ITPKA: variants seen among roughly 807,000 people sequenced by gnomAD.
ITPKA encodes the protein IP3 3-kinase A.
Under a neutral mutation model 40.7 loss-of-function variants are expected in ITPKA, and 16 were observed. That is an observed-to-expected ratio of 0.39 (90% confidence interval 0.27 to 0.60). ITPKA has a LOEUF of 0.60. ITPKA is among the 20% of genes least tolerant of loss of function. ITPKA has a pLI of 0.50. For missense variants in ITPKA, 540 were observed against 649.3 expected (o/e 0.83, Z 1.83); for synonymous variants, 313 against 289.9 (o/e 1.08, Z -0.81).
Position 41,501,484 on chromosome 15 carries a change from C to A in ITPKA, c.511C>A (p.Arg171=). ...VGQKNHWQKI[R]TMVNLPVISP... Reference sequence around the variant, plus strand: ...TCAGAAAAACCACTGGCAGAAGATCCGGACCATGGTCAATCTGCCGGTCAT... The same window carrying A: ...TCAGAAAAACCACTGGCAGAAGATCAGGACCATGGTCAATCTGCCGGTCAT... Residue 171 remains arginine, a synonymous_variant, in exon 2 of 7, where the codon CGG becomes AGG. Transcript: ENST00000260386. The A allele has an allele frequency of 6.2e-6, 10 of 1,610,118 alleles. No homozygotes were observed. The highest frequency in any genetic ancestry group is 8.5e-6 in the Non-Finnish European group (10 of 1,178,784).
intron 6 of ITPKA, 50 bp downstream of exon 6, chr15:41,502,909 C>T (rs753275046): frequency 1.2e-6 from 2 of 1,605,344 alleles, no homozygotes; most frequent in South Asian, 1.1e-5. Flanking sequence ...AGGGCGGGAA[C>T]CCGGCAAGGG....
In ITPKA at chr15:41,494,351, C is replaced by T; in HGVS notation, c.424C>T (p.Leu142=). 1 of 1,521,940 alleles carries T rather than the reference C, an allele frequency of 6.6e-7. No individual in the cohort carries two copies. Among genetic ancestry groups the T allele is most frequent in the Non-Finnish European group, 8.8e-7 (1 of 1,141,064 alleles). The allele number at this position is 1,521,940 out of a possible 1,614,324, so 94.3% of individuals were successfully genotyped here. The change falls in exon 1 of 7, where the codon CTG becomes TTG. Residue 142 remains leucine, a synonymous_variant. Coordinates refer to ENST00000260386, the MANE Select transcript of ITPKA (RefSeq NM_002220.3). The surrounding 1 kb of genome is among the most constrained non-coding windows in gnomAD (Gnocchi z 7.8). ...SLLEDSEDDL[L]SDSESRSRGN... ...GCTCGAGGACTCGGAGGACGACCTG[C>T]TGAGCGACAGTGAGAGCCGGAGCCG...
intron 4 of ITPKA, 24 bp downstream of exon 4, chr15:41,502,225 CACCGCCG>C: frequency 6.5e-7 from 1 of 1,548,602 alleles, no homozygotes; most frequent in Non-Finnish European, 8.7e-7. Context: ...GCTTCGCTGG[CACCGCCG>C]CAGCCCCACT....
At chr15:41,500,577 A>G (rs1414781708) in intron 1 of ITPKA, among the ~76,000 whole-genome samples, 1 of 152,200 alleles carries the variant, frequency 6.6e-6, no homozygotes, top group Non-Finnish European at 1.5e-5. Context: ...CTGGGCGCCT[A>G]TCATGCTTAA....
In ITPKA at chr15:41,503,258, G is replaced by A. The variant is rs947354249; in HGVS notation, c.*92G>A. On this transcript the variant is annotated 3_prime_UTR_variant, in exon 7 of 7. Transcript: ENST00000260386. The stretch of plus-strand genomic sequence containing the variant: ...CATGCCGGCTTGAGACTGGAGCCCC[G>A]CGGTGCAGGGCAGTTCACCGGGTCC... 42 of 937,762 alleles carry A rather than the reference G, an allele frequency of 4.5e-5. No homozygotes were observed. In the East Asian group the frequency reaches 6.9e-4, roughly 15 times the overall value. The allele number at this position is 937,762 out of a possible 1,614,324, so 58.1% of individuals were successfully genotyped here.
intron 1 of ITPKA, among the ~76,000 whole-genome samples, chr15:41,499,037 T>G (rs1315814212): frequency 6.6e-6 from 1 of 152,156 alleles, no homozygotes; most frequent in Admixed American, 6.5e-5. Context: ...GTGCATTCAT[T>G]ATGGCTCTCA....
At chr15:41,502,364 C>A (rs1437679664) in intron 4 of ITPKA, 38 bp from the exon 5 acceptor site, 1 of 1,471,562 alleles carries the variant, frequency 6.8e-7, no homozygotes, top group Non-Finnish European at 9.5e-7. Flanking sequence ...TCCCCACTGG[C>A]GGGCCCGGGG....
Position 41,501,707 on chromosome 15 carries a change from C to T in ITPKA, c.659C>T (p.Ala220Val), listed in dbSNP as rs1264769167. The change falls in exon 3 of 7, where the codon GCG becomes GTG. Residue 220 changes from alanine (A) to valine (V), a missense_variant. Transcript: ENST00000260386. ...TCGGAGCCGGAGCGCTACTGCCTGGCGCGGCTGATGGCTGACGCGCTGCGC... is the reference window on the plus strand; with the variant it reads ...TCGGAGCCGGAGCGCTACTGCCTGGTGCGGCTGATGGCTGACGCGCTGCGC... ...RCSEPERYCL[A>V]RLMADALRGC... The T allele has an allele frequency of 6.2e-7, 1 of 1,610,832 alleles. No individual in the cohort carries two copies. The highest frequency in any genetic ancestry group is 8.5e-7 in the Non-Finnish European group (1 of 1,179,140).
intron 1 of ITPKA, among the ~76,000 whole-genome samples, chr15:41,499,683 G>A (rs2051096837): frequency 6.6e-6 from 1 of 152,154 alleles, no homozygotes; most frequent in Admixed American, 6.5e-5. Flanking sequence ...GGTACAACAT[G>A]TGTAACTGTG....
At chr15:41,501,009 A>AG (rs1491294231) in intron 1 of ITPKA, among the ~76,000 whole-genome samples, 6 of 2,688 alleles carry the variant, frequency 2.2e-3, no homozygotes, top group Non-Finnish European at 4.3e-3. Flanking sequence ...ACTCCATCTG[A>AG]AAAAAAAAAA....
rs2051053283 is a variant in ITPKA, at chr15:41,494,188, G to A, written c.261G>A (p.Glu87=). Residue 87 remains glutamate (E), a synonymous_variant, in exon 1 of 7, where the codon GAG becomes GAA. Transcript: ENST00000260386. This position sits in a 1 kb window ranked among gnomAD's most constrained non-coding sequence, Gnocchi z 7.8. ...PVIPQLTVTA[E]EPDVPPTSPG... ...TCCCTCAGCTGACCGTGACAGCCGAGGAGCCCGACGTGCCCCCGACCAGCC... is the reference window on the plus strand; with the variant it reads ...TCCCTCAGCTGACCGTGACAGCCGAAGAGCCCGACGTGCCCCCGACCAGCC... The A allele has an allele frequency of 1.3e-6, 2 of 1,520,002 alleles. No individual in the cohort carries two copies. The highest frequency in any genetic ancestry group is 4.0e-5 in the Admixed American group (2 of 49,494). 94.2% of individuals were successfully genotyped at this position (1,520,002 alleles called of 1,614,324 possible).
intron 1 of ITPKA, among the ~76,000 whole-genome samples, chr15:41,499,277 C>A (rs1363321244): frequency 6.6e-6 from 1 of 152,164 alleles, no homozygotes. Flanking sequence ...CCCCCAGATC[C>A]CTGGGGATTG....
At chr15:41,499,558 C>T (rs1790560913) in intron 1 of ITPKA, among the ~76,000 whole-genome samples, 1 of 152,230 alleles carries the variant, frequency 6.6e-6, no homozygotes, top group Admixed American at 6.5e-5. Flanking sequence ...ACTTCCATCT[C>T]CTCCCCATGG....
At position 41,502,509 on chromosome 15, in the gene ITPKA, A is replaced by C; in HGVS notation, c.1110+6A>C. On this transcript the variant is annotated splice_donor_region_variant and intron_variant, in intron 5 of 6. Transcript: ENST00000260386. Reference sequence around the variant, plus strand: ...AAGGAGATGAGGAAGTGCTGGTGAGAGCGGGATCCCAAACCCTGAGGTGTT... The same window carrying C: ...AAGGAGATGAGGAAGTGCTGGTGAGCGCGGGATCCCAAACCCTGAGGTGTT... The C allele has an allele frequency of 6.6e-7, 1 of 1,523,604 alleles. No homozygotes were observed. Among genetic ancestry groups the C allele is most frequent in the Non-Finnish European group, 9.1e-7 (1 of 1,099,076 alleles). The allele number at this position is 1,523,604 out of a possible 1,614,324, so 94.4% of individuals were successfully genotyped here. A position where few individuals can be genotyped will look rare whatever the true frequency, so the allele number is the denominator to read the frequency against.
At chr15:41,498,685 A>G (rs145422717) in intron 1 of ITPKA, among the ~76,000 whole-genome samples, 1 of 152,352 alleles carries the variant, frequency 6.6e-6, no homozygotes, top group East Asian at 1.9e-4. Context: ...TCTTTTGGAT[A>G]AAGGCAAAGG....
Position 41,503,361 on chromosome 15 carries a change from C to T in ITPKA, c.*195C>T, listed in dbSNP as rs1013322662. On this transcript the variant is annotated 3_prime_UTR_variant, in exon 7 of 7. Transcript: ENST00000260386. ...TTGCCCACCCGGGCCCCAGCGTTCC[C>T]AGAGCCAAATGACACTAACTTATAG... The T allele has an allele frequency of 3.3e-6, 2 of 600,218 alleles. No homozygotes were observed. The highest frequency in any genetic ancestry group is 2.9e-5 in the Admixed American group (1 of 34,070). The allele number at this position is 600,218 out of a possible 1,614,324, so 37.2% of individuals were successfully genotyped here. A position where few individuals can be genotyped will look rare whatever the true frequency, so the allele number is the denominator to read the frequency against.
intron 1 of ITPKA, among the ~76,000 whole-genome samples, chr15:41,496,164 C>T (rs1286713017): frequency 6.6e-6 from 1 of 152,220 alleles, no homozygotes; most frequent in Non-Finnish European, 1.5e-5. Context: ...GTGGAAGGGC[C>T]CAGGGCGGAC....
intron 1 of ITPKA, among the ~76,000 whole-genome samples, chr15:41,496,360 C>A (rs1160291551): frequency 6.6e-6 from 1 of 152,196 alleles, no homozygotes; most frequent in Admixed American, 6.5e-5. Context: ...GAAGTTTCTG[C>A]CTGCCTGCCT....
At position 41,494,984 on chromosome 15, in the gene ITPKA, G is replaced by A. The variant is rs529691381; in HGVS notation, c.489+568G>A. 6.6e-6 allele frequency among the ~76,000 whole-genome samples: 1 copy of A among 152,336 alleles called. No individual in the cohort carries two copies. Among genetic ancestry groups the A allele is most frequent in the African/African-American group, 2.4e-5 (1 of 41,584 alleles). ...GCGTGGGCCTGGGAGCTCTGGCTGG[G>A]AGCGGAACGCAGCCCACCCAGTGCG... On this transcript the variant is annotated intron_variant, in intron 1 of 6. Transcript: ENST00000260386. This position sits in a 1 kb window ranked among gnomAD's most constrained non-coding sequence, Gnocchi z 7.8.
Sources: gnomAD v4.1 joint callset for allele counts (sites outside exome capture counted in the v4.1 genomes callset) on GRCh38, gnomAD v4.1.1 for gene constraint, Gnocchi (gnomAD v3.1) non-coding constraint, MANE v1.5 for transcripts, NCBI Gene and HGNC (gene_info 2026-07-23, HGNC 2026-07-21) for gene names.